The following METTL25 variants were observed in gnomAD, a reference collection of about 807,000 sequenced individuals.
The protein encoded by METTL25 is methyltransferase like 25.
A neutral mutation model predicts 71.6 loss-of-function variants in METTL25; 64 were observed. The ratio of observed to expected loss-of-function variants is 0.89; its 90% CI spans 0.73 to 1.10. The LOEUF is 1.10. METTL25 is among the 50% of genes least tolerant of loss of function. The pLI, the probability that METTL25 is intolerant of heterozygous loss-of-function variation, is 0.00. For synonymous variants in METTL25, 287 were observed against 250.3 expected, an observed-to-expected ratio of 1.15 and a Z score of -1.38; for missense variants, 807 against 707.0, an observed-to-expected ratio of 1.14 and a Z score of -1.60.
rs1221263830 is a variant in METTL25, at chr12:82,379,174, G to T, written c.260-7629G>T. ...GGACAGTAGCAGTGGCAGTGACTAA[G>T]GTAGTGACATTTTGAGGTGCTGTGG... is the stretch of plus-strand genomic sequence containing the variant. On this transcript the variant is annotated intron_variant, in intron 1 of 11. Coordinates refer to ENST00000248306, the MANE Select transcript of METTL25 (RefSeq NM_032230.3). 2.0e-5 allele frequency among the ~76,000 whole-genome samples: 3 copies of T among 152,148 alleles called. No individual in the cohort carries two copies. The East Asian group carries it at 5.8e-4, about 29-fold the overall frequency.
intron 5 of METTL25, 146 bp from the exon 6 acceptor site, chr12:82,430,747 A>G: frequency 2.0e-6 from 1 of 499,042 alleles, no homozygotes; most frequent in East Asian, 3.2e-5. Context: ...AACAAACTGG[A>G]AGGAACTGTT....
At chr12:82,477,251 C>A in intron 10 of METTL25, 30 bp from the exon 11 acceptor site, 2 of 1,055,820 alleles carry the variant, frequency 1.9e-6, no homozygotes, top group Non-Finnish European at 2.8e-6. Context: ...TAAGTACCAC[C>A]AACCTACCTA....
At chr12:82,393,870 A>C (rs1291349637) in intron 3 of METTL25, among the ~76,000 whole-genome samples, 1 of 151,640 alleles carries the variant, frequency 6.6e-6, no homozygotes, top group Non-Finnish European at 1.5e-5. Flanking sequence ...CTTTTTTGTT[A>C]CATGCATTTA....
chr12:82,458,724 G>A (rs1592757649), intron 9 of METTL25, among the ~76,000 whole-genome samples: 1 of 152,180 alleles, frequency 6.6e-6, no homozygotes, highest in Middle Eastern at 3.4e-3. Context: ...ACTTTCTTAT[G>A]AATAGTTTCT....
chr12:82,476,649 A>G lies in METTL25; in HGVS notation c.1578A>G (p.Pro526=). Residue 526 remains proline, a synonymous_variant, in exon 10 of 12, where the codon CCA becomes CCG. Transcript: ENST00000248306. ...KKLGLDESKL[P]EKIIMNYYEK... is the part of the protein sequence containing the mutation. ...TGTTGTTTTTTATCTTGAAGCTGCC[A>G]GAAAAAATTATAATGAACTACTACG... 1 of 1,589,068 alleles carries G rather than the reference A, an allele frequency of 6.3e-7. No homozygotes were observed. Among genetic ancestry groups the G allele is most frequent in the Non-Finnish European group, 8.6e-7 (1 of 1,167,068 alleles).
intron 3 of METTL25, among the ~76,000 whole-genome samples, chr12:82,391,128 G>A (rs1204578020): frequency 3.3e-5 from 5 of 152,034 alleles, no homozygotes; most frequent in South Asian, 2.1e-4. Flanking sequence ...TGGATGGTAC[G>A]AATCCAGTTA....
At chr12:82,409,554 C>T (rs4143189) in intron 5 of METTL25, among the ~76,000 whole-genome samples, 125,503 of 151,990 alleles carry the variant, frequency 0.83, 52,630 homozygotes, top group East Asian at 1. Flanking sequence ...CTAACTGAAC[C>T]ATGATTTTGT....
rs1489738908 is a variant in METTL25, at chr12:82,399,336, C to T, written c.1073C>T (p.Pro358Leu). ...SKSSESNIYS[P>L]LTSFITADSE... is the part of the protein sequence containing the mutation. ...TCAAGTGAATCAAATATATATTCAC[C>T]TTTAACCTCTTTTATCACTGCTGAT... The change falls in exon 4 of 12, where the codon CCT (proline) becomes CTT (leucine). Residue 358 changes from proline (P) to leucine (L), a missense_variant. By Grantham distance (98) the Pro-to-Leu change is moderately conservative. Coordinates refer to ENST00000248306, the MANE Select transcript of METTL25 (RefSeq NM_032230.3). 1 of 1,605,402 alleles carries T rather than the reference C, an allele frequency of 6.2e-7. No individual in the cohort carries two copies. The highest frequency in any genetic ancestry group is 2.2e-5 in the East Asian group (1 of 44,742).
At chr12:82,377,224 AAG>A (rs1464630207) in intron 1 of METTL25, among the ~76,000 whole-genome samples, 1 of 152,220 alleles carries the variant, frequency 6.6e-6, no homozygotes, top group Admixed American at 6.5e-5. Flanking sequence ...TTAGTCAAAA[AAG>A]TAAATATCAC....
chr12:82,377,026 T>C (rs537891784), intron 1 of METTL25, among the ~76,000 whole-genome samples: 97 of 151,912 alleles, frequency 6.4e-4, no homozygotes, highest in African/African-American at 2.3e-3. Flanking sequence ...GTCAGGAGAC[T>C]CTCTTGAACC....
intron 3 of METTL25, among the ~76,000 whole-genome samples, chr12:82,391,041 A>G (rs1885527209): frequency 6.6e-6 from 1 of 152,126 alleles, no homozygotes; most frequent in Non-Finnish European, 1.5e-5. Flanking sequence ...CAGCAAGTCC[A>G]CTGGAGACGA....
At chr12:82,381,897 T>C (rs1884476230) in intron 1 of METTL25, among the ~76,000 whole-genome samples, 1 of 152,194 alleles carries the variant, frequency 6.6e-6, no homozygotes, top group Non-Finnish European at 1.5e-5. Flanking sequence ...ACTATGAAGC[T>C]ATGGCAGTAG....
chr12:82,414,942 A>G (rs1381353546), intron 5 of METTL25, among the ~76,000 whole-genome samples: 3 of 152,134 alleles, frequency 2.0e-5, no homozygotes, highest in Non-Finnish European at 4.4e-5. Flanking sequence ...AAGTTACAAC[A>G]TCATCTGTAA....
chr12:82,435,356 A>C (rs2137167633), intron 7 of METTL25, among the ~76,000 whole-genome samples: 1 of 151,546 alleles, frequency 6.6e-6, no homozygotes, highest in East Asian at 1.9e-4. Context: ...GTCAATTTGA[A>C]TTGTTAAAAA....
intron 3 of METTL25, among the ~76,000 whole-genome samples, chr12:82,396,517 A>G (rs1886099517): frequency 1.3e-5 from 2 of 152,090 alleles, no homozygotes; most frequent in Admixed American, 6.6e-5. Context: ...AAAGATATGT[A>G]TAAGAGTAGG....
intron 10 of METTL25, 85 bp from the exon 11 acceptor site, chr12:82,477,196 T>C: frequency 1.6e-6 from 1 of 618,562 alleles, no homozygotes; most frequent in East Asian, 2.8e-5. Flanking sequence ...TGTAGATACA[T>C]TTATTTAAAC....
At chr12:82,376,163 A>T (rs528326573) in intron 1 of METTL25, among the ~76,000 whole-genome samples, 1 of 152,214 alleles carries the variant, frequency 6.6e-6, no homozygotes, top group Non-Finnish European at 1.5e-5. Flanking sequence ...TATTTTTTAA[A>T]TTATTGAATT....
chr12:82,396,980 TTTG>T (rs1440438913), intron 3 of METTL25, among the ~76,000 whole-genome samples: 2 of 152,094 alleles, frequency 1.3e-5, no homozygotes, highest in East Asian at 3.8e-4. Flanking sequence ...AGATATGCTA[TTTG>T]TTTTTTTATT....
intron 1 of METTL25, among the ~76,000 whole-genome samples, chr12:82,367,752 C>T (rs749986295): frequency 3.0e-4 from 45 of 152,238 alleles, no homozygotes; most frequent in Non-Finnish European, 3.5e-4. Context: ...TTCTTCATTT[C>T]CTACAAAATA....
Sources: gnomAD v4.1 joint callset for allele counts (sites outside exome capture counted in the v4.1 genomes callset) on GRCh38, gnomAD v4.1.1 for gene constraint, MANE v1.5 for transcripts, NCBI Gene and HGNC (gene_info 2026-07-23, HGNC 2026-07-21) for gene names.